Variants in AUTS2 observed in about 807,000 individuals in gnomAD.
The protein encoded by AUTS2 is autism susceptibility gene 2 protein.
In AUTS2, 17 loss-of-function variants were observed where a neutral mutation model predicts 112.4. The ratio of observed to expected loss-of-function variants is 0.15; its 90% CI spans 0.10 to 0.23. The LOEUF is 0.23. AUTS2 is among the 10% of genes least tolerant of loss of function. The probability of loss-of-function intolerance (pLI) is 1.00; values close to 1 mark genes in which losing one functional copy is unlikely to be tolerated. For missense variants in AUTS2, 1,510 were observed against 1,701.6 expected (o/e 0.89, Z 1.98); for synonymous variants, 751 against 702.7 (o/e 1.07, Z -1.09).
intron 5 of AUTS2, among the ~76,000 whole-genome samples, chr7:70,444,373 T>TGTGTGTGTGAGA (rs372696006): frequency 4.7e-4 from 67 of 142,504 alleles, no homozygotes; most frequent in African/African-American, 1.6e-3. Flanking sequence ...TGTGTGTGTG[T>TGTGTGTGTGAGA]GAGAGAGAGA....
intron 5 of AUTS2, among the ~76,000 whole-genome samples, chr7:70,594,307 G>A (rs1803090150): frequency 6.6e-6 from 1 of 152,102 alleles, no homozygotes; most frequent in Non-Finnish European, 1.5e-5. Context: ...CCTGGGGTTG[G>A]GGGGCAGGGC....
intron 5 of AUTS2, among the ~76,000 whole-genome samples, chr7:70,629,414 G>A (rs1165109591): frequency 2.0e-5 from 3 of 152,054 alleles, no homozygotes; most frequent in South Asian, 2.1e-4. Context: ...CAAGGCTGCC[G>A]TGAGCTGAGA....
At chr7:69,822,988 A>C (rs1791066039) in intron 1 of AUTS2, among the ~76,000 whole-genome samples, 1 of 152,110 alleles carries the variant, frequency 6.6e-6, no homozygotes, top group South Asian at 2.1e-4. Flanking sequence ...AACTAGGGAG[A>C]AGGTGAGAGA....
At chr7:70,325,074 A>G (rs541497461) in intron 4 of AUTS2, among the ~76,000 whole-genome samples, 1 of 152,246 alleles carries the variant, frequency 6.6e-6, no homozygotes, top group South Asian at 2.1e-4. Flanking sequence ...CCCTTATTCC[A>G]GTGCTAAGGG....
At chr7:69,650,062 G>C (rs1795224254) in intron 1 of AUTS2, among the ~76,000 whole-genome samples, 1 of 152,200 alleles carries the variant, frequency 6.6e-6, no homozygotes, top group Non-Finnish European at 1.5e-5. Flanking sequence ...TGAGAGCTAT[G>C]GGAATGGGTA....
At chr7:70,254,967 G>C (rs2129604966) in intron 4 of AUTS2, among the ~76,000 whole-genome samples, 1 of 152,094 alleles carries the variant, frequency 6.6e-6, no homozygotes, top group South Asian at 2.1e-4. Flanking sequence ...TCATAAGTGA[G>C]AGAGAAGATT....
intron 4 of AUTS2, among the ~76,000 whole-genome samples, chr7:70,390,651 C>A (rs190050846): frequency 2.0e-5 from 3 of 152,022 alleles, no homozygotes; most frequent in Admixed American, 6.5e-5. Context: ...AAGATGCATT[C>A]ATTCTGTCAA....
intron 1 of AUTS2, among the ~76,000 whole-genome samples, chr7:69,629,597 G>C (rs1005565565): frequency 2.6e-5 from 4 of 152,154 alleles, no homozygotes; most frequent in Admixed American, 2.6e-4. Flanking sequence ...TCTTTCTCTA[G>C]ATCCTATCAG....
chr7:69,859,345 G>A (rs1373750840), intron 1 of AUTS2, among the ~76,000 whole-genome samples: 3 of 152,162 alleles, frequency 2.0e-5, no homozygotes, highest in Non-Finnish European at 4.4e-5. Context: ...TTATTGTTAA[G>A]TTACAACAAA....
chr7:70,775,284 A>C, intron 12 of AUTS2, 73 bp from the exon 13 acceptor site: 2 of 1,215,186 alleles, frequency 1.6e-6, no homozygotes, highest in East Asian at 2.3e-5. Context: ...CTAATGAAGC[A>C]CTACAAATTT....
At chr7:70,080,151 T>A (rs1803232731) in intron 2 of AUTS2, among the ~76,000 whole-genome samples, 1 of 152,220 alleles carries the variant, frequency 6.6e-6, no homozygotes, top group South Asian at 2.1e-4. Flanking sequence ...TTTTGTTGAT[T>A]GTCTACACTT....
chr7:70,372,681 A>G (rs890374635), intron 4 of AUTS2, among the ~76,000 whole-genome samples: 1 of 150,418 alleles, frequency 6.6e-6, no homozygotes, highest in African/African-American at 2.4e-5. Flanking sequence ...TTAAAATACA[A>G]GTATTTTAAA....
intron 4 of AUTS2, among the ~76,000 whole-genome samples, chr7:70,167,457 T>TCTA (rs1480229139): frequency 1.3e-5 from 2 of 152,070 alleles, no homozygotes; most frequent in African/African-American, 4.8e-5. Context: ...AATAGACAAA[T>TCTA]CTACTAATAA....
chr7:70,364,023 A>G lies in AUTS2; in HGVS notation c.661-71729A>G, dbSNP rs181157999. On this transcript the variant is annotated intron_variant, in intron 4 of 18. Coordinates refer to ENST00000342771, the MANE Select transcript of AUTS2 (RefSeq NM_015570.4). ...GCTAGCAGAGCACCTTACACATCATAGGAATGGGATCTATTTTAGTGATTA... is the reference window on the plus strand; with the variant it reads ...GCTAGCAGAGCACCTTACACATCATGGGAATGGGATCTATTTTAGTGATTA... Among the ~76,000 whole-genome samples, 426 of 152,326 alleles carry G rather than the reference A, an allele frequency of 2.8e-3. 5 individuals are homozygous for G. The highest frequency in any genetic ancestry group is 9.4e-3 in the African/African-American group (389 of 41,572).
At chr7:70,041,265 T>A (rs184852396) in intron 2 of AUTS2, among the ~76,000 whole-genome samples, 1 of 152,172 alleles carries the variant, frequency 6.6e-6, no homozygotes, top group Non-Finnish European at 1.5e-5. Flanking sequence ...CTTAAAAAAA[T>A]ATTATCCATA....
intron 1 of AUTS2, among the ~76,000 whole-genome samples, chr7:69,869,527 C>CATATAT (rs34759946): frequency 1.3e-4 from 20 of 148,722 alleles, no homozygotes; most frequent in African/African-American, 2.5e-4. Context: ...GGTCAAGGAT[C>CATATAT]ATATATATAT....
intron 6 of AUTS2, among the ~76,000 whole-genome samples, chr7:70,747,942 G>T (rs575446283): frequency 6.8e-6 from 1 of 148,112 alleles, no homozygotes; most frequent in Non-Finnish European, 1.5e-5. Flanking sequence ...CTGCCTCAGC[G>T]TCCCCAGTAG....
At chr7:69,612,724 T>C (rs972782807) in intron 1 of AUTS2, among the ~76,000 whole-genome samples, 3 of 152,210 alleles carry the variant, frequency 2.0e-5, no homozygotes, top group Non-Finnish European at 4.4e-5. Flanking sequence ...TCAAAAGTGC[T>C]GGGATTATAG....
chr7:70,467,586 A>AT, intron 5 of AUTS2, among the ~76,000 whole-genome samples: 1 of 152,284 alleles, frequency 6.6e-6, no homozygotes, highest in East Asian at 1.9e-4. Flanking sequence ...ATTGACTTTG[A>AT]TTTTTTGGGG....
Sources: gnomAD v4.1 joint callset for allele counts (sites outside exome capture counted in the v4.1 genomes callset) on GRCh38, gnomAD v4.1.1 for gene constraint, MANE v1.5 for transcripts, NCBI Gene and HGNC (gene_info 2026-07-23, HGNC 2026-07-21) for gene names.